The following EIF2AK4 variants were observed in gnomAD, a reference collection of about 807,000 sequenced individuals.
EIF2AK4 encodes the protein eIF-2-alpha kinase GCN2.
In EIF2AK4, 139 loss-of-function variants were observed where a neutral mutation model predicts 211.1. The ratio of observed to expected loss-of-function variants is 0.66; its 90% confidence interval spans 0.57 to 0.76. The LOEUF (loss-of-function observed/expected upper bound fraction) is 0.76, where lower values mean the gene tolerates loss of function less well. EIF2AK4 is among the 30% of genes least tolerant of loss of function. EIF2AK4 has a pLI of 0.00. For missense variants in EIF2AK4, 1,664 were observed against 2,043.8 expected, an observed-to-expected ratio of 0.81 and a Z score of 3.58; for synonymous variants, 710 against 751.3, an observed-to-expected ratio of 0.94 and a Z score of 0.90.
At chr15:40,022,217 TG>T (rs1488659650) in intron 31 of EIF2AK4, 3 of 231,030 alleles carry the variant, frequency 1.3e-5, no homozygotes, top group Non-Finnish European at 2.4e-5. Context: ...TGTGTGTGTA[TG>T]TTGTGTTGTA....
chr15:39,947,846 C>T (rs1299419651), intron 3 of EIF2AK4, among the ~76,000 whole-genome samples: 1 of 152,152 alleles, frequency 6.6e-6, no homozygotes, highest in African/African-American at 2.4e-5. Context: ...TTCATCCAGT[C>T]TTAGAAGGTT....
chr15:39,961,805 A>G lies in EIF2AK4; in HGVS notation c.765A>G (p.Val255=), dbSNP rs747409165. 12 of 1,613,974 alleles carry G rather than the reference A, an allele frequency of 7.4e-6. No individual in the cohort carries two copies. The highest frequency in any genetic ancestry group is 1.6e-4 in the Middle Eastern group (1 of 6,062). Residue 255 remains valine, a synonymous_variant, in exon 7 of 39, where the codon GTA becomes GTG. Coordinates refer to ENST00000263791, the MANE Select transcript of EIF2AK4 (RefSeq NM_001013703.4). ...GRSRRERQYS[V]CNSEDSPGSC... is the part of the protein sequence containing the mutation. ...TAAGGCGAGAACGTCAGTATTCTGT[A>G]TGTAATAGTGAAGATTCTCCTGGCT...
intron 27 of EIF2AK4, among the ~76,000 whole-genome samples, chr15:40,014,592 G>A (rs1238793889): frequency 2.0e-5 from 3 of 152,238 alleles, no homozygotes; most frequent in African/African-American, 7.2e-5. Context: ...CCTGGGGCCA[G>A]CCCACGAAAC....
At chr15:39,937,285 G>C (rs2034079307) in intron 1 of EIF2AK4, among the ~76,000 whole-genome samples, 1 of 152,186 alleles carries the variant, frequency 6.6e-6, no homozygotes, top group East Asian at 1.9e-4. Flanking sequence ...ATATATGTTA[G>C]ACTTTTTCAT....
At chr15:39,938,473 T>C (rs548122522) in intron 1 of EIF2AK4, among the ~76,000 whole-genome samples, 1 of 152,376 alleles carries the variant, frequency 6.6e-6, no homozygotes, top group East Asian at 1.9e-4. Flanking sequence ...GTTCACGTTA[T>C]AAATTTCTGT....
chr15:40,033,492 A>G (rs994306556), intron 37 of EIF2AK4, among the ~76,000 whole-genome samples: 4 of 152,226 alleles, frequency 2.6e-5, no homozygotes, highest in African/African-American at 9.6e-5. Flanking sequence ...ACACTCAACT[A>G]TAGTCATAGC....
At position 40,026,063 on chromosome 15, in the gene EIF2AK4, T is replaced by C. The variant is rs1378370106; in HGVS notation, c.4476T>C (p.Thr1492=). Residue 1492 remains threonine (T), a synonymous_variant, in exon 33 of 39, where the codon ACT becomes ACC. Transcript: ENST00000263791. ...LVDHVLQKLR[T]KVTDERNGRE... ...ACCATGTACTGCAGAAACTGAGGAC[T>C]AAAGTCACTGATGAAAGGAATGGCA... The C allele has an allele frequency of 1.9e-6, 3 of 1,614,006 alleles. No homozygotes were observed. The South Asian group carries it at 3.3e-5, about 18-fold the overall frequency.
chr15:39,953,451 G>C (rs972651846), intron 4 of EIF2AK4, among the ~76,000 whole-genome samples: 8 of 152,152 alleles, frequency 5.3e-5, no homozygotes, highest in African/African-American at 1.9e-4. Flanking sequence ...TATGGTACTT[G>C]GGCCATGGCT....
chr15:39,938,286 G>C (rs1370968475), intron 1 of EIF2AK4, among the ~76,000 whole-genome samples: 3 of 152,168 alleles, frequency 2.0e-5, no homozygotes, highest in African/African-American at 7.2e-5. Context: ...GTGGATGAAA[G>C]ACCTGTGGAC....
At chr15:40,027,235 T>C (rs999287772) in intron 33 of EIF2AK4, among the ~76,000 whole-genome samples, 1 of 152,236 alleles carries the variant, frequency 6.6e-6, no homozygotes, top group African/African-American at 2.4e-5. Context: ...TTTAACACTT[T>C]AGTAGAAGAA....
intron 27 of EIF2AK4, among the ~76,000 whole-genome samples, chr15:40,012,472 T>C (rs2035247251): frequency 6.6e-6 from 1 of 152,086 alleles, no homozygotes; most frequent in Non-Finnish European, 1.5e-5. Flanking sequence ...CAGCTAAATA[T>C]CCAAATATGA....
chr15:39,965,596 A>G (rs1437946406), intron 7 of EIF2AK4, 90 bp from the exon 8 acceptor site: 3 of 1,428,504 alleles, frequency 2.1e-6, no homozygotes, highest in African/African-American at 2.9e-5. Context: ...TCCATTGTTG[A>G]ACTAAAGAAT....
At chr15:39,963,973 A>C (rs1406445043) in intron 7 of EIF2AK4, among the ~76,000 whole-genome samples, 2 of 152,228 alleles carry the variant, frequency 1.3e-5, no homozygotes, top group Non-Finnish European at 1.5e-5. Context: ...ATAAACATTT[A>C]ATGCCATGTG....
At chr15:40,030,316 G>T in intron 34 of EIF2AK4, 43 bp from the exon 35 acceptor site, 10 of 1,582,524 alleles carry the variant, frequency 6.3e-6, no homozygotes, top group Non-Finnish European at 8.7e-6. Flanking sequence ...GTAGAAAGTG[G>T]GACCAGATAA....
chr15:39,983,426 T>G lies in EIF2AK4; in HGVS notation c.2320-2379T>G, dbSNP rs530156261. 1.3e-4 allele frequency among the ~76,000 whole-genome samples: 20 copies of G among 151,728 alleles called. 1 individual carries two copies. The highest frequency in any genetic ancestry group is 2.1e-4 in the Non-Finnish European group (14 of 67,988). Reference sequence around the variant, plus strand: ...TTTCTTGTAAATTTGTTTAAGTTCCTTATAGATTCTGGATATTAGCCTTTT... The same window carrying G: ...TTTCTTGTAAATTTGTTTAAGTTCCGTATAGATTCTGGATATTAGCCTTTT... On this transcript the variant is annotated intron_variant, in intron 13 of 38. Transcript: ENST00000263791.
At chr15:39,984,714 CTT>C (rs1226949175) in intron 13 of EIF2AK4, among the ~76,000 whole-genome samples, 1 of 152,184 alleles carries the variant, frequency 6.6e-6, no homozygotes, top group African/African-American at 2.4e-5. Flanking sequence ...TATCCTGAGA[CTT>C]TGCTGAAGTT....
intron 24 of EIF2AK4, among the ~76,000 whole-genome samples, chr15:40,007,299 A>G (rs565729144): frequency 2.8e-4 from 42 of 152,300 alleles, no homozygotes; most frequent in African/African-American, 9.9e-4. Flanking sequence ...CCCACAGTCT[A>G]TTCTGTACCT....
intron 38 of EIF2AK4, among the ~76,000 whole-genome samples, 185 bp downstream of exon 38, chr15:40,034,629 A>T (rs892205874): frequency 6.6e-6 from 1 of 152,174 alleles, no homozygotes; most frequent in African/African-American, 2.4e-5. Flanking sequence ...ATCAATAACA[A>T]AACACAGGGG....
At chr15:40,008,641 C>T (rs1167421734) in intron 25 of EIF2AK4, among the ~76,000 whole-genome samples, 3 of 152,142 alleles carry the variant, frequency 2.0e-5, no homozygotes, top group Non-Finnish European at 4.4e-5. Context: ...TCATTCCTGC[C>T]ACCGTCAGTC....
Sources: gnomAD v4.1 joint callset for allele counts (sites outside exome capture counted in the v4.1 genomes callset) on GRCh38, gnomAD v4.1.1 for gene constraint, MANE v1.5 for transcripts, NCBI Gene and HGNC (gene_info 2026-07-23, HGNC 2026-07-21) for gene names.